SMARCC1: variants seen among roughly 807,000 people sequenced by gnomAD.
SMARCC1 encodes the protein SWI/SNF complex subunit SMARCC1.
Under a neutral mutation model 147.4 loss-of-function variants are expected in SMARCC1, and 43 were observed. The observed-to-expected ratio is 0.29, with a 90% CI of 0.23 to 0.38. SMARCC1 has a LOEUF of 0.38. Ranked by LOEUF, SMARCC1 falls within the 10% of genes least tolerant of loss-of-function variation. The pLI is 1.00. For missense variants in SMARCC1, 1,119 were observed against 1,381.1 expected (o/e 0.81, Z 3.01); for synonymous variants, 495 against 484.4 (o/e 1.02, Z -0.29).
chr3:47,683,508 C>T (rs374377733), intron 14 of SMARCC1, among the ~76,000 whole-genome samples: 3 of 152,100 alleles, frequency 2.0e-5, no homozygotes, highest in African/African-American at 7.2e-5. Flanking sequence ...TCACATTCAT[C>T]CTTTAAAAAT....
chr3:47,752,076 T>G (rs2034635931), intron 2 of SMARCC1, among the ~76,000 whole-genome samples: 1 of 152,018 alleles, frequency 6.6e-6, no homozygotes, highest in Non-Finnish European at 1.5e-5. Flanking sequence ...AGAGCGAGAC[T>G]TCATCTCAAA....
At chr3:47,622,493 T>C in intron 24 of SMARCC1, 152 bp from the exon 25 acceptor site, 1 of 742,292 alleles carries the variant, frequency 1.3e-6, no homozygotes, top group Non-Finnish European at 2.2e-6. Context: ...TAACTGTCTC[T>C]GAATTTCTGG....
chr3:47,664,008 G>A (rs1197266221), intron 19 of SMARCC1: 1 of 813,352 alleles, frequency 1.2e-6, no homozygotes, highest in Admixed American at 2.9e-5. Flanking sequence ...CCTACCATGG[G>A]ACTTACTCCC....
chr3:47,682,684 A>G (rs1157013509), intron 14 of SMARCC1, among the ~76,000 whole-genome samples: 1 of 152,260 alleles, frequency 6.6e-6, no homozygotes, highest in East Asian at 1.9e-4. Context: ...TAATTAAAAC[A>G]GCAAAAATAT....
At chr3:47,648,233 G>A (rs371883120) in intron 21 of SMARCC1, among the ~76,000 whole-genome samples, 1 of 152,096 alleles carries the variant, frequency 6.6e-6, no homozygotes, top group Non-Finnish European at 1.5e-5. Context: ...GACTTGAGGT[G>A]ATCTGTATGC....
At chr3:47,706,273 T>C (rs1374025125) in intron 10 of SMARCC1, 136 bp downstream of exon 10, 1 of 719,094 alleles carries the variant, frequency 1.4e-6, no homozygotes, top group Non-Finnish European at 2.0e-6. Flanking sequence ...GGTTTCACCA[T>C]GTTGGCCAGG....
intron 11 of SMARCC1, among the ~76,000 whole-genome samples, chr3:47,694,274 C>G (rs572862119): frequency 7.2e-5 from 11 of 152,266 alleles, no homozygotes; most frequent in African/African-American, 2.4e-4. Context: ...AAATAAAACA[C>G]TGCAACTAGA....
chr3:47,606,470 A>G (rs1443589891), intron 26 of SMARCC1, among the ~76,000 whole-genome samples: 1 of 152,208 alleles, frequency 6.6e-6, no homozygotes, highest in Admixed American at 6.5e-5. Context: ...GGTGAGGGGC[A>G]TGGCATACAA....
At chr3:47,779,482 T>C (rs891422581) in intron 1 of SMARCC1, among the ~76,000 whole-genome samples, 3 of 152,210 alleles carry the variant, frequency 2.0e-5, no homozygotes, top group African/African-American at 7.2e-5. Flanking sequence ...GCCTAGGGTA[T>C]ATACGTTTCT....
chr3:47,598,766 T>TG (rs1181668393), intron 26 of SMARCC1, among the ~76,000 whole-genome samples: 9 of 140,462 alleles, frequency 6.4e-5, no homozygotes, highest in Non-Finnish European at 1.0e-4. Flanking sequence ...AGGTGGAGGA[T>TG]GCAGTGAGCT....
chr3:47,741,492 G>C (rs2034509961), intron 3 of SMARCC1, among the ~76,000 whole-genome samples: 1 of 150,438 alleles, frequency 6.6e-6, no homozygotes, highest in Admixed American at 6.7e-5. Flanking sequence ...ACATAGGCTG[G>C]AAATGAGGTC....
chr3:47,712,553 C>T (rs2034099606), intron 8 of SMARCC1, among the ~76,000 whole-genome samples: 1 of 152,078 alleles, frequency 6.6e-6, no homozygotes, highest in South Asian at 2.1e-4. Flanking sequence ...CTATGCTGAA[C>T]ATCTTACACG....
At chr3:47,727,559 C>T (rs1234452533) in intron 6 of SMARCC1, among the ~76,000 whole-genome samples, 1 of 151,650 alleles carries the variant, frequency 6.6e-6, no homozygotes, top group Admixed American at 6.6e-5. Flanking sequence ...ATCCATTCAC[C>T]TAATTATTTT....
intron 5 of SMARCC1, among the ~76,000 whole-genome samples, chr3:47,730,866 CAA>C (rs59650729): frequency 1.1e-4 from 10 of 92,848 alleles, no homozygotes; most frequent in Admixed American, 2.3e-4. Flanking sequence ...AATGCCATCT[CAA>C]AAAAAAAAAA....
rs1278370326 is a variant in SMARCC1, at chr3:47,588,275, T to C, written c.3252A>G (p.Pro1084=). ...GAGGGACCCCATCTGCAGGTGGTGG[T>C]GGCGGTGGCTGCTGCTGTGGTGGAG... ...YPPPPQQQPP[P]PPPADGVPPP... Residue 1084 remains proline (P), a synonymous_variant, in exon 28 of 28, where the codon CCA becomes CCG. Transcript: ENST00000254480. 6.2e-6 allele frequency: 10 copies of C among 1,613,656 alleles called. No individual in the cohort carries two copies. Among genetic ancestry groups the C allele is most frequent in the Admixed American group, 5.0e-5 (3 of 59,966 alleles).
At chr3:47,643,876 A>G (rs2033083640) in intron 21 of SMARCC1, among the ~76,000 whole-genome samples, 1 of 152,188 alleles carries the variant, frequency 6.6e-6, no homozygotes, top group Admixed American at 6.5e-5. Context: ...AAACTAAATT[A>G]AATGCAGATG....
chr3:47,604,169 A>G (rs1405815204), intron 26 of SMARCC1: 1 of 456,644 alleles, frequency 2.2e-6, no homozygotes, highest in Admixed American at 2.3e-5. Context: ...AGCCTAGCAG[A>G]TTCATAATAC....
In SMARCC1 at chr3:47,661,306, G is replaced by A. The variant is rs2033343701; in HGVS notation, c.2308C>T (p.Pro770Ser). ...AGCAGTGACTCACCAAGCTTCTCTG[G>A]CTCATCGGGCCCTGTGCCTGCAATG... ...SCIAGTGPDE[P>S]EKLEGAEEEK... The change falls in exon 21 of 28, where the codon CCA (proline) becomes TCA (serine). Residue 770 changes from proline (P) to serine (S), a missense_variant. Around this residue, in one of 6 missense-constraint regions of SMARCC1, gnomAD observed 157 missense variants for 158.6 expected, o/e 0.99. Coordinates refer to ENST00000254480, the MANE Select transcript of SMARCC1 (RefSeq NM_003074.4). The A allele has an allele frequency of 6.2e-7, 1 of 1,608,962 alleles. No individual in the cohort carries two copies. The highest frequency in any genetic ancestry group is 8.5e-7 in the Non-Finnish European group (1 of 1,178,470).
chr3:47,662,128 G>A (rs1440085200), intron 20 of SMARCC1, among the ~76,000 whole-genome samples: 1 of 151,976 alleles, frequency 6.6e-6, no homozygotes, highest in Non-Finnish European at 1.5e-5. Flanking sequence ...CCAAGTAGCT[G>A]GGACTATAGG....
Sources: allele counts gnomAD v4.1 joint callset (sites outside exome capture counted in the v4.1 genomes callset), GRCh38; gene constraint gnomAD v4.1.1; regional missense constraint gnomAD v4.1.1; transcripts MANE v1.5; gene names NCBI Gene and HGNC (gene_info 2026-07-23, HGNC 2026-07-21).